CDK13: variants seen among roughly 807,000 people sequenced by gnomAD.
CDK13 encodes the protein cyclin-dependent kinase 13.
CDK13 carries 40 observed loss-of-function variants against 137.6 expected under a neutral mutation model. That is an observed-to-expected ratio of 0.29 (90% confidence interval 0.23 to 0.38). The LOEUF (loss-of-function observed/expected upper bound fraction) is 0.38, where lower values mean the gene tolerates loss of function less well. Ranked by LOEUF, CDK13 falls within the 10% of genes least tolerant of loss-of-function variation. The pLI is 1.00. For synonymous variants in CDK13, 869 were observed against 760.1 expected (o/e 1.14, Z -2.36); for missense variants, 1,704 against 1,951.8 (o/e 0.87, Z 2.39).
chr7:40,080,592 G>A (rs1786644434), intron 11 of CDK13, among the ~76,000 whole-genome samples: 1 of 152,044 alleles, frequency 6.6e-6, no homozygotes. Flanking sequence ...TTTCACTGTT[G>A]AATTATTGTT....
At chr7:39,988,846 C>A (rs952403343) in intron 2 of CDK13, among the ~76,000 whole-genome samples, 1 of 151,990 alleles carries the variant, frequency 6.6e-6, no homozygotes, top group African/African-American at 2.4e-5. Context: ...CTTTGGGAGG[C>A]CGAGGCGGGT....
At chr7:40,012,169 C>T (rs1784909454) in intron 5 of CDK13, among the ~76,000 whole-genome samples, 1 of 152,092 alleles carries the variant, frequency 6.6e-6, no homozygotes, top group Non-Finnish European at 1.5e-5. Flanking sequence ...AAGTGTTGTC[C>T]AGGATGTGGA....
At chr7:40,070,635 CTGGA>C (rs67294379) in intron 9 of CDK13, 19,598 of 152,212 alleles carry the variant, frequency 0.13, 4,136 homozygotes, top group African/African-American at 0.44. Context: ...TCGCTTGAAC[CTGGA>C]AGGTGGAGGC....
At chr7:40,091,637 T>A (rs755013962) in intron 12 of CDK13, among the ~76,000 whole-genome samples, 1 of 152,256 alleles carries the variant, frequency 6.6e-6, no homozygotes, top group Non-Finnish European at 1.5e-5. Flanking sequence ...AAGAGGCACC[T>A]CAATTAAAGA....
chr7:40,063,317 G>A (rs961482375), intron 9 of CDK13, among the ~76,000 whole-genome samples: 1 of 152,166 alleles, frequency 6.6e-6, no homozygotes, highest in Non-Finnish European at 1.5e-5. Flanking sequence ...GCATGTGTAT[G>A]TGTACATGCG....
chr7:40,005,368 C>T (rs1784776593), intron 5 of CDK13, among the ~76,000 whole-genome samples: 1 of 151,062 alleles, frequency 6.6e-6, no homozygotes, highest in African/African-American at 2.4e-5. Context: ...CAGCTCATTG[C>T]AATCTCTGCC....
At chr7:39,967,703 C>T (rs1239321518) in intron 1 of CDK13, among the ~76,000 whole-genome samples, 2 of 152,110 alleles carry the variant, frequency 1.3e-5, no homozygotes, top group Non-Finnish European at 2.9e-5. Context: ...ACATTCATAC[C>T]AGCAGTGCAC....
intron 7 of CDK13, chr7:40,061,230 C>T (rs543068465): frequency 9.9e-5 from 15 of 152,278 alleles, no homozygotes; most frequent in Non-Finnish European, 1.8e-4. Flanking sequence ...GAGAAAAGTA[C>T]ATTAATAATG....
intron 5 of CDK13, among the ~76,000 whole-genome samples, chr7:40,044,370 G>T (rs1195840457): frequency 2.7e-5 from 4 of 150,866 alleles, no homozygotes; most frequent in Non-Finnish European, 5.9e-5. Context: ...CCAGGCTGGA[G>T]TACAGTGGCT....
At chr7:39,953,629 A>G (rs895241354) in intron 1 of CDK13, among the ~76,000 whole-genome samples, 3 of 152,178 alleles carry the variant, frequency 2.0e-5, no homozygotes, top group Non-Finnish European at 4.4e-5. Context: ...TGTTTTAGGT[A>G]TTGGGATGTA....
chr7:39,950,771 C>A lies in CDK13; in HGVS notation c.130C>A (p.Leu44Met). Residue 44 changes from leucine to methionine, a missense_variant, in exon 1 of 14, where the codon CTG becomes ATG. This residue lies in a region of CDK13 where 1,051 missense variants were observed against 931.0 expected (regional missense o/e 1.13). Transcript: ENST00000181839. ...PQQPPLLLPL[L>M]QPQLLQPPPP... ...GCAGCCGCCGCTGCTGTTGCCGCTCCTGCAGCCGCAGCTCCTGCAACCGCC... is the reference window on the plus strand; with the variant it reads ...GCAGCCGCCGCTGCTGTTGCCGCTCATGCAGCCGCAGCTCCTGCAACCGCC... The A allele has an allele frequency of 1.4e-6, 2 of 1,476,636 alleles. No individual in the cohort carries two copies. The highest frequency in any genetic ancestry group is 1.3e-5 in the South Asian group (1 of 77,602). 91.5% of individuals were successfully genotyped at this position (1,476,636 alleles called of 1,614,324 possible). A position where few individuals can be genotyped will look rare whatever the true frequency, so the allele number is the denominator to read the frequency against.
intron 1 of CDK13, 48 bp downstream of exon 1, chr7:39,951,900 A>T (rs752049934): frequency 7.6e-7 from 1 of 1,319,532 alleles, no homozygotes; most frequent in East Asian, 2.8e-5. Context: ...CGCTGGCCAG[A>T]TCCCCAGGAG....
intron 9 of CDK13, chr7:40,073,100 C>T (rs916364781): frequency 1.3e-5 from 2 of 152,134 alleles, no homozygotes; most frequent in African/African-American, 4.8e-5. Flanking sequence ...CAGGGCTAAA[C>T]AATGAATGTG....
intron 1 of CDK13, chr7:39,984,110 A>G (rs1411043673): frequency 6.6e-6 from 1 of 152,186 alleles, no homozygotes; most frequent in Non-Finnish European, 1.5e-5. Context: ...ACACTGTATT[A>G]ATGTCAACTA....
chr7:40,025,896 G>T (rs966568720), intron 5 of CDK13, among the ~76,000 whole-genome samples: 1 of 152,132 alleles, frequency 6.6e-6, no homozygotes, highest in Non-Finnish European at 1.5e-5. Context: ...CTGCTAACAG[G>T]TATTTTTCTA....
At position 40,063,327 on chromosome 7, in the gene CDK13, G is replaced by A. The variant is rs575239493; in HGVS notation, c.2780+227G>A. On this transcript the variant is annotated intron_variant, in intron 9 of 13. Transcript: ENST00000181839. ...TGGGTGCATGTGTATGTGTACATGC[G>A]TGCGTGCATGTGTGCGTTTTTTTAA... Among the ~76,000 whole-genome samples the A allele has an allele frequency of 7.9e-5, 12 of 152,272 alleles. No individual in the cohort carries two copies. In the East Asian group the frequency reaches 1.7e-3, roughly 22 times the overall value.
chr7:40,096,014 T>A lies in CDK13; in HGVS notation c.*1034T>A, dbSNP rs1269161447. 6.6e-6 allele frequency: 1 copy of A among 152,196 alleles called. No homozygotes were observed. Among genetic ancestry groups the A allele is most frequent in the Non-Finnish European group, 1.5e-5 (1 of 68,038 alleles). 9.4% of individuals were successfully genotyped at this position (152,196 alleles called of 1,614,324 possible). A position where few individuals can be genotyped will look rare whatever the true frequency, so the allele number is the denominator to read the frequency against. ...CTCCAGGAGAATTTTAGAGTACCAT[T>A]TTCTTTCAGGCTGCCATATTATCCC... On this transcript the variant is annotated 3_prime_UTR_variant, in exon 14 of 14. Coordinates refer to ENST00000181839, the MANE Select transcript of CDK13 (RefSeq NM_003718.5).
At chr7:39,974,514 A>T (rs537053844) in intron 1 of CDK13, among the ~76,000 whole-genome samples, 20 of 149,660 alleles carry the variant, frequency 1.3e-4, no homozygotes, top group African/African-American at 4.7e-4. Context: ...TAGGTATTTC[A>T]TCCTTTTAAA....
At chr7:40,062,986 T>C (rs1401311267) in intron 8 of CDK13, 37 bp from the exon 9 acceptor site, 2 of 1,606,484 alleles carry the variant, frequency 1.2e-6, no homozygotes, top group Non-Finnish European at 1.7e-6. Flanking sequence ...TGAATTAAAA[T>C]AGATCATTTG....
Sources: allele counts gnomAD v4.1 joint callset (sites outside exome capture counted in the v4.1 genomes callset), GRCh38; gene constraint gnomAD v4.1.1; regional missense constraint gnomAD v4.1.1; transcripts MANE v1.5; gene names NCBI Gene and HGNC (gene_info 2026-07-23, HGNC 2026-07-21).